C1QTNF7: variants seen among roughly 807,000 people sequenced by gnomAD.
C1QTNF7 encodes the protein complement C1q tumor necrosis factor-related protein 7.
A neutral mutation model predicts 19.6 loss-of-function variants in C1QTNF7; 15 were observed. The observed-to-expected ratio is 0.76, with a 90% CI of 0.51 to 1.18. The LOEUF is 1.18. Among genes scored for constraint, C1QTNF7 ranks in the 50% most tolerant of loss-of-function variants. C1QTNF7 has a pLI of 0.00. For synonymous variants in C1QTNF7, 142 were observed against 137.5 expected (o/e 1.03, Z -0.23); for missense variants, 324 against 359.7 (o/e 0.90, Z 0.80).
chr4:15,444,691 G>C lies in C1QTNF7; in HGVS notation c.*1892G>C, dbSNP rs1052040807. On this transcript the variant is annotated 3_prime_UTR_variant, in exon 3 of 3. Coordinates refer to ENST00000444304, the MANE Select transcript of C1QTNF7 (RefSeq NM_031911.5). Reference sequence around the variant, plus strand: ...AAGGGCAAAATGCTGTGAAAGAAGAGGAAATGTTTACTTCCAAATTAGGAT... The same window carrying C: ...AAGGGCAAAATGCTGTGAAAGAAGACGAAATGTTTACTTCCAAATTAGGAT... The C allele has an allele frequency of 6.6e-6, 1 of 152,356 alleles. No homozygotes were observed. The highest frequency in any genetic ancestry group is 2.1e-4 in the South Asian group (1 of 4,828). 9.4% of individuals were successfully genotyped at this position (152,356 alleles called of 1,614,324 possible).
intron 2 of C1QTNF7, among the ~76,000 whole-genome samples, chr4:15,439,789 A>T (rs778204271): frequency 5.9e-5 from 9 of 152,184 alleles, no homozygotes; most frequent in Non-Finnish European, 1.3e-4. Context: ...TATTTGTGAA[A>T]TAGATTTGGC....
chr4:15,435,303 G>C (rs1209275097), intron 1 of C1QTNF7, among the ~76,000 whole-genome samples: 1 of 152,190 alleles, frequency 6.6e-6, no homozygotes, highest in East Asian at 1.9e-4. Context: ...ATAGACAAAA[G>C]AGACTGGAAG....
chr4:15,341,290 C>T (rs1350443409), intron 1 of C1QTNF7, among the ~76,000 whole-genome samples: 1 of 152,144 alleles, frequency 6.6e-6, no homozygotes, highest in Admixed American at 6.5e-5. Flanking sequence ...AGCCATTAGG[C>T]CTGGGTGAGC....
intron 1 of C1QTNF7, among the ~76,000 whole-genome samples, chr4:15,420,828 T>TTC (rs1263299396): frequency 1.5e-5 from 2 of 133,430 alleles, no homozygotes; most frequent in Non-Finnish European, 3.2e-5. Context: ...TGCTTTGTCT[T>TTC]TTTTTTTTTT....
At chr4:15,397,330 A>G (rs983579821) in intron 1 of C1QTNF7, among the ~76,000 whole-genome samples, 4 of 152,146 alleles carry the variant, frequency 2.6e-5, no homozygotes, top group Admixed American at 2.0e-4. Context: ...CTGATCCCCT[A>G]AGACCTCTCG....
chr4:15,349,665 C>T (rs1716838978), intron 1 of C1QTNF7, among the ~76,000 whole-genome samples: 2 of 152,164 alleles, frequency 1.3e-5, no homozygotes, highest in South Asian at 4.1e-4. Context: ...CTCTCTTGAG[C>T]TCTGGGTGAA....
At chr4:15,386,323 C>A (rs1366030246) in intron 1 of C1QTNF7, among the ~76,000 whole-genome samples, 1 of 152,166 alleles carries the variant, frequency 6.6e-6, no homozygotes, top group Non-Finnish European at 1.5e-5. Context: ...GTCATGGGTC[C>A]CAACCAAATA....
chr4:15,445,421 G>A lies in C1QTNF7; in HGVS notation c.*2622G>A, dbSNP rs1022420266. ...AAATTTTCTTCTGATCGTAATCCAC[G>A]AATGCATTCATTTTTTGGACATTGC... On this transcript the variant is annotated 3_prime_UTR_variant, in exon 3 of 3. Coordinates refer to ENST00000444304, the MANE Select transcript of C1QTNF7 (RefSeq NM_031911.5). The A allele has an allele frequency of 2.0e-5, 3 of 152,276 alleles. No homozygotes were observed. Among genetic ancestry groups the A allele is most frequent in the East Asian group, 3.9e-4 (2 of 5,190 alleles). 9.4% of individuals were successfully genotyped at this position (152,276 alleles called of 1,614,324 possible).
intron 1 of C1QTNF7, among the ~76,000 whole-genome samples, chr4:15,342,327 T>G (rs567286925): frequency 6.6e-6 from 1 of 152,290 alleles, no homozygotes; most frequent in Admixed American, 6.5e-5. Flanking sequence ...GCCACAAGTT[T>G]GTGAACCTGG....
chr4:15,377,042 C>A (rs890885138), intron 1 of C1QTNF7, among the ~76,000 whole-genome samples: 2 of 152,226 alleles, frequency 1.3e-5, no homozygotes, highest in African/African-American at 4.8e-5. Context: ...ATTAAGCCCT[C>A]ACTCTGTGCT....
intron 1 of C1QTNF7, among the ~76,000 whole-genome samples, chr4:15,345,091 A>G (rs990639290): frequency 1.3e-5 from 2 of 152,360 alleles, no homozygotes; most frequent in South Asian, 2.1e-4. Flanking sequence ...TCTGCAAGAA[A>G]TGTTCTATTT....
rs1712966181 is a variant in C1QTNF7, at chr4:15,445,672, G to A, written c.*2873G>A. The stretch of plus-strand genomic sequence containing the variant: ...AGGTGTCTTTTATTCTTAAAAAATA[G>A]CAGATACAGTTTATCCACATTTGTA... On this transcript the variant is annotated 3_prime_UTR_variant, in exon 3 of 3. Coordinates refer to ENST00000444304, the MANE Select transcript of C1QTNF7 (RefSeq NM_031911.5). The A allele has an allele frequency of 6.6e-6, 1 of 152,138 alleles. No homozygotes were observed. Among genetic ancestry groups the A allele is most frequent in the Admixed American group, 6.5e-5 (1 of 15,274 alleles). 9.4% of individuals were successfully genotyped at this position (152,138 alleles called of 1,614,324 possible). A position where few individuals can be genotyped will look rare whatever the true frequency, so the allele number is the denominator to read the frequency against.
At chr4:15,370,044 A>G (rs1399090838) in intron 1 of C1QTNF7, among the ~76,000 whole-genome samples, 1 of 152,214 alleles carries the variant, frequency 6.6e-6, no homozygotes, top group African/African-American at 2.4e-5. Flanking sequence ...AAAACTGGTA[A>G]AAACTGAAGA....
intron 1 of C1QTNF7, among the ~76,000 whole-genome samples, chr4:15,353,845 G>A (rs1310197291): frequency 6.6e-6 from 1 of 151,886 alleles, no homozygotes; most frequent in Non-Finnish European, 1.5e-5. Context: ...TGAAACTCTT[G>A]TTTAAAATGT....
intron 2 of C1QTNF7, 109 bp downstream of exon 2, chr4:15,436,090 T>C: frequency 7.0e-7 from 1 of 1,435,160 alleles, no homozygotes; most frequent in East Asian, 2.3e-5. Flanking sequence ...ACCCCTTCTG[T>C]ACTTTCATTA....
intron 1 of C1QTNF7, among the ~76,000 whole-genome samples, chr4:15,413,744 A>G (rs1449281617): frequency 6.6e-6 from 1 of 152,234 alleles, no homozygotes; most frequent in African/African-American, 2.4e-5. Flanking sequence ...GCATCAGCAA[A>G]GTTACAGCCT....
chr4:15,356,881 C>T lies in C1QTNF7; in HGVS notation c.13+16674C>T, dbSNP rs144059693. Among the ~76,000 whole-genome samples, 325 of 150,624 alleles carry T rather than the reference C, an allele frequency of 2.2e-3. 4 individuals are homozygous for T. Among genetic ancestry groups the T allele is most frequent in the African/African-American group, 7.5e-3 (310 of 41,140 alleles). ...TGAGCTTTTTTTCATGTTTGTTGGCCGCATAAATGTCTCTTTTGAGAAGTG... is the reference window on the plus strand; with the variant it reads ...TGAGCTTTTTTTCATGTTTGTTGGCTGCATAAATGTCTCTTTTGAGAAGTG... On this transcript the variant is annotated intron_variant, in intron 1 of 2. Transcript: ENST00000295297.
At chr4:15,435,127 C>G (rs1712473447) in intron 1 of C1QTNF7, among the ~76,000 whole-genome samples, 1 of 152,042 alleles carries the variant, frequency 6.6e-6, no homozygotes, top group South Asian at 2.1e-4. Context: ...TGGAAGCAAC[C>G]TAAATATCTA....
At chr4:15,363,056 T>C (rs557999124) in intron 1 of C1QTNF7, among the ~76,000 whole-genome samples, 7 of 152,276 alleles carry the variant, frequency 4.6e-5, no homozygotes, top group African/African-American at 1.4e-4. Context: ...TACTTTTTTT[T>C]CTCCCAAACT....
Sources: allele counts gnomAD v4.1 joint callset (sites outside exome capture counted in the v4.1 genomes callset), GRCh38; gene constraint gnomAD v4.1.1; transcripts MANE v1.5; gene names NCBI Gene and HGNC (gene_info 2026-07-23, HGNC 2026-07-21).